PDE6A: variants seen among roughly 807,000 people sequenced by gnomAD.
PDE6A encodes rod cGMP-specific 3',5'-cyclic phosphodiesterase subunit alpha.
In PDE6A, 84 loss-of-function variants were observed where a neutral mutation model predicts 106.3. That is an observed-to-expected ratio of 0.79 (90% CI 0.66 to 0.95). The LOEUF (loss-of-function observed/expected upper bound fraction) is 0.95, where lower values mean the gene tolerates loss of function less well. Among genes scored for constraint, PDE6A ranks in the 40% least tolerant of loss-of-function variants. PDE6A has a pLI of 0.00. For missense variants in PDE6A, 1,052 were observed against 1,084.9 expected, an observed-to-expected ratio of 0.97 and a Z score of 0.43; for synonymous variants, 394 against 386.6, an observed-to-expected ratio of 1.02 and a Z score of -0.23.
intron 4 of PDE6A, among the ~76,000 whole-genome samples, chr5:149,929,483 T>C (rs1753961820): frequency 6.6e-6 from 1 of 152,052 alleles, no homozygotes; most frequent in African/African-American, 2.4e-5. Context: ...GGTGGGCGCC[T>C]GTAGTCCCAG....
Position 149,895,251 on chromosome 5 carries a change from G to A in PDE6A, c.1660C>T (p.Arg554Cys), listed in dbSNP as rs760233048. The change falls in exon 13 of 22, where the codon CGC becomes TGC. Residue 554 changes from arginine (R) to cysteine (C), a missense_variant. This residue lies in a region of PDE6A where 913 missense variants were observed against 915.2 expected (regional missense o/e 1.00). Coordinates refer to ENST00000255266, the MANE Select transcript of PDE6A (RefSeq NM_000440.3). ...CGCCAGTTGTGGTAGGTGATCTTGCGGTAGCCCTTACTCAGGGAGTACATG... is the reference window on the plus strand; with the variant it reads ...CGCCAGTTGTGGTAGGTGATCTTGCAGTAGCCCTTACTCAGGGAGTACATG... ...RFMYSLSKGY[R>C]KITYHNWRHG... is the part of the protein sequence containing the mutation. 23 of 1,613,914 alleles carry A rather than the reference G, an allele frequency of 1.4e-5. No homozygotes were observed. The highest frequency in any genetic ancestry group is 1.1e-4 in the East Asian group (5 of 44,892).
In PDE6A at chr5:149,895,293, G is replaced by A. The variant is rs781122043; in HGVS notation, c.1621-3C>T. 2 of 1,591,616 alleles carry A rather than the reference G, an allele frequency of 1.3e-6. No homozygotes were observed. Among genetic ancestry groups the A allele is most frequent in the African/African-American group, 1.3e-5 (1 of 74,594 alleles). ...GAGTACATGAACCGCACCAGGGCCT[G>A]TGAACACATGCACATCAGTGAGGCA... On this transcript the variant is annotated splice_polypyrimidine_tract_variant and splice_region_variant and intron_variant, in intron 12 of 21. Coordinates refer to ENST00000255266, the MANE Select transcript of PDE6A (RefSeq NM_000440.3).
At chr5:149,883,773 G>A (rs1761018585) in intron 16 of PDE6A, among the ~76,000 whole-genome samples, 1 of 152,230 alleles carries the variant, frequency 6.6e-6, no homozygotes, top group African/African-American at 2.4e-5. Flanking sequence ...CATCTGTACA[G>A]CGGGGGTAAT....
chr5:149,901,438 G>A (rs1752975343), intron 8 of PDE6A, among the ~76,000 whole-genome samples: 1 of 152,122 alleles, frequency 6.6e-6, no homozygotes, highest in African/African-American at 2.4e-5. Context: ...TGAAGCAGCA[G>A]AATCGCTTGA....
intron 12 of PDE6A, among the ~76,000 whole-genome samples, 184 bp downstream of exon 12, chr5:149,896,172 A>G (rs1752742251): frequency 6.6e-6 from 1 of 152,218 alleles, no homozygotes; most frequent in African/African-American, 2.4e-5. Context: ...ACTTCACAGG[A>G]CACAGAGGAA....
At chr5:149,920,887 C>CAG (rs147822187) in intron 5 of PDE6A, among the ~76,000 whole-genome samples, 1,872 of 126,396 alleles carry the variant, frequency 0.015, 45 homozygotes, top group African/African-American at 0.052. Flanking sequence ...AAGAGAGAGA[C>CAG]AGAGAGAGAG....
At chr5:149,873,591 C>T (rs750190564) in intron 17 of PDE6A, among the ~76,000 whole-genome samples, 1 of 152,092 alleles carries the variant, frequency 6.6e-6, no homozygotes, top group Non-Finnish European at 1.5e-5. Context: ...CTTGGCCTCC[C>T]AAAGTGCTGA....
chr5:149,883,371 A>C, intron 17 of PDE6A, 58 bp downstream of exon 17: 2 of 1,105,152 alleles, frequency 1.8e-6, no homozygotes, highest in Non-Finnish European at 2.8e-6. Flanking sequence ...CTGTCAGTGC[A>C]TCTCGCCTCA....
At chr5:149,879,162 C>T (rs958683576) in intron 17 of PDE6A, among the ~76,000 whole-genome samples, 17 of 152,234 alleles carry the variant, frequency 1.1e-4, no homozygotes, top group African/African-American at 4.1e-4. Context: ...ACCTCCACCT[C>T]CCACATTCAA....
Position 149,866,208 on chromosome 5 carries a change from C to T in PDE6A, c.2320G>A (p.Val774Ile). Reference sequence around the variant, plus strand: ...GTGCAAACAAAGTCAATGAAGCCGACTTGAAGCTTAGGGAGTTCATCTGCT... The same window carrying T: ...GTGCAAACAAAGTCAATGAAGCCGATTTGAAGCTTAGGGAGTTCATCTGCT... ...NKADELPKLQVGFIDFVCTFV... is the reference protein window; with the variant it reads ...NKADELPKLQIGFIDFVCTFV... The change falls in exon 20 of 22, where the codon GTC (valine) becomes ATC (isoleucine). Residue 774 changes from valine to isoleucine, a missense_variant. Physicochemically the swap from Val to Ile is conservative, Grantham distance 29 (BLOSUM62 3). This residue lies in a region of PDE6A where 135 missense variants were observed against 153.2 expected (regional missense o/e 0.88). Transcript: ENST00000255266. 1 of 1,614,190 alleles carries T rather than the reference C, an allele frequency of 6.2e-7. No individual in the cohort carries two copies. Among genetic ancestry groups the T allele is most frequent in the Non-Finnish European group, 8.5e-7 (1 of 1,180,018 alleles).
At position 149,915,481 on chromosome 5, in the gene PDE6A, C is replaced by T. The variant is rs543714000; in HGVS notation, c.934-474G>A. Among the ~76,000 whole-genome samples, 11 of 152,248 alleles carry T rather than the reference C, an allele frequency of 7.2e-5. No homozygotes were observed. The South Asian group carries it at 1.9e-3, about 26-fold the overall frequency. On this transcript the variant is annotated intron_variant, in intron 5 of 21. Coordinates refer to ENST00000255266, the MANE Select transcript of PDE6A (RefSeq NM_000440.3). ...TTGCCCCATGGTTTTCAGGAAGTGCCAAGCCTGGCCATAAACTCCCTCCAA... is the reference window on the plus strand; with the variant it reads ...TTGCCCCATGGTTTTCAGGAAGTGCTAAGCCTGGCCATAAACTCCCTCCAA...
At chr5:149,941,215 G>C (rs1185934096) in intron 1 of PDE6A, among the ~76,000 whole-genome samples, 1 of 152,222 alleles carries the variant, frequency 6.6e-6, no homozygotes, top group East Asian at 1.9e-4. Context: ...CTGGGTCCTG[G>C]AGTAAAAGCC....
chr5:149,907,013 C>A (rs1269701653), intron 7 of PDE6A, among the ~76,000 whole-genome samples: 1 of 152,200 alleles, frequency 6.6e-6, no homozygotes, highest in East Asian at 1.9e-4. Context: ...CTCAGGTGAT[C>A]CACCTGCCTC....
chr5:149,887,574 C>T (rs547897760), intron 13 of PDE6A, among the ~76,000 whole-genome samples: 1 of 152,200 alleles, frequency 6.6e-6, no homozygotes, highest in South Asian at 2.1e-4. Context: ...CCCAACTGCA[C>T]CATTTTGTAA....
intron 4 of PDE6A, among the ~76,000 whole-genome samples, chr5:149,928,957 T>A (rs1230970088): frequency 6.6e-6 from 1 of 152,192 alleles, no homozygotes; most frequent in East Asian, 1.9e-4. Flanking sequence ...TAAAGCCACA[T>A]GCTCACCAGA....
At chr5:149,936,664 A>G (rs1259196439) in intron 1 of PDE6A, among the ~76,000 whole-genome samples, 1 of 152,220 alleles carries the variant, frequency 6.6e-6, no homozygotes, top group East Asian at 1.9e-4. Context: ...GATCATTATC[A>G]TCCCTATATA....
intron 6 of PDE6A, 127 bp from the exon 7 acceptor site, chr5:149,907,505 C>T (rs930911074): frequency 5.5e-6 from 4 of 722,472 alleles, no homozygotes; most frequent in East Asian, 5.3e-5. Context: ...TTCACTACAC[C>T]TGACCAAACC....
intron 17 of PDE6A, among the ~76,000 whole-genome samples, chr5:149,873,733 T>C (rs903274080): frequency 6.6e-6 from 1 of 152,196 alleles, no homozygotes; most frequent in African/African-American, 2.4e-5. Context: ...CTAGAGGATC[T>C]GTGAGCCTTT....
intron 17 of PDE6A, among the ~76,000 whole-genome samples, chr5:149,876,068 A>G (rs1192188255): frequency 1.3e-5 from 2 of 152,196 alleles, no homozygotes; most frequent in Admixed American, 6.5e-5. Flanking sequence ...GCAATCAATT[A>G]TATCCATTTA....
Sources: gnomAD v4.1 joint callset for allele counts (sites outside exome capture counted in the v4.1 genomes callset) on GRCh38, gnomAD v4.1.1 for gene constraint, gnomAD v4.1.1 regional missense constraint, MANE v1.5 for transcripts, NCBI Gene and HGNC (gene_info 2026-07-23, HGNC 2026-07-21) for gene names.